Variants in EPB41L2 observed in about 807,000 individuals in gnomAD.
EPB41L2 encodes the protein band 4.1-like protein 2.
EPB41L2 carries 43 observed loss-of-function variants against 113.0 expected under a neutral mutation model. The observed-to-expected ratio is 0.38, with a 90% confidence interval of 0.30 to 0.49. EPB41L2 has a LOEUF of 0.49. EPB41L2 is among the 20% of genes least tolerant of loss of function. EPB41L2 has a pLI of 0.95. For synonymous variants in EPB41L2, 442 were observed against 436.7 expected (o/e 1.01, Z -0.15); for missense variants, 1,147 against 1,223.4 (o/e 0.94, Z 0.93).
chr6:130,996,333 G>C (rs540755737), intron 1 of EPB41L2, among the ~76,000 whole-genome samples: 1 of 152,322 alleles, frequency 6.6e-6, no homozygotes. Flanking sequence ...CTCTGCCCCA[G>C]ATGACAGGAG....
chr6:130,931,435 CAG>C (rs1562517166), intron 3 of EPB41L2, among the ~76,000 whole-genome samples: 1 of 152,068 alleles, frequency 6.6e-6, no homozygotes, highest in Non-Finnish European at 1.5e-5. Flanking sequence ...AAACCTAAAA[CAG>C]ATGTGCTTTG....
intron 1 of EPB41L2, among the ~76,000 whole-genome samples, chr6:131,051,567 G>C (rs776572129): frequency 6.6e-6 from 1 of 151,880 alleles, no homozygotes; most frequent in Non-Finnish European, 1.5e-5. Context: ...CAAAGTAACT[G>C]ACTTAGCAGA....
chr6:130,938,772 T>C (rs1004535091), intron 3 of EPB41L2, among the ~76,000 whole-genome samples: 2 of 152,266 alleles, frequency 1.3e-5, no homozygotes, highest in Non-Finnish European at 1.5e-5. Flanking sequence ...GGTATCTTCT[T>C]TTAAAATACA....
chr6:131,052,077 C>T (rs547334069), intron 1 of EPB41L2, among the ~76,000 whole-genome samples: 2 of 151,962 alleles, frequency 1.3e-5, no homozygotes, highest in Non-Finnish European at 1.5e-5. Flanking sequence ...GCTGGGACTA[C>T]AGGCGCCCAC....
intron 8 of EPB41L2, among the ~76,000 whole-genome samples, chr6:130,899,216 GA>G (rs11392700): frequency 1.0e-4 from 15 of 145,804 alleles, no homozygotes; most frequent in African/African-American, 2.0e-4. Flanking sequence ...GATAAGCGGT[GA>G]AAAAAAAAAG....
intron 7 of EPB41L2, 61 bp downstream of exon 7, chr6:130,900,901 C>T: frequency 6.4e-7 from 1 of 1,561,910 alleles, no homozygotes; most frequent in Non-Finnish European, 8.8e-7. Flanking sequence ...CTAGTAAGTG[C>T]TACAAGAGAA....
chr6:130,941,590 T>C (rs1300806549), intron 3 of EPB41L2, among the ~76,000 whole-genome samples: 1 of 152,226 alleles, frequency 6.6e-6, no homozygotes, highest in Non-Finnish European at 1.5e-5. Context: ...AAGAATAGCT[T>C]ATCAGAGCAG....
intron 14 of EPB41L2, among the ~76,000 whole-genome samples, chr6:130,876,472 C>G (rs919190110): frequency 2.0e-5 from 3 of 152,286 alleles, no homozygotes; most frequent in Admixed American, 1.3e-4. Context: ...TTTGACTTTT[C>G]AAGTGCTTCT....
intron 1 of EPB41L2, among the ~76,000 whole-genome samples, chr6:130,972,628 C>A (rs541468395): frequency 6.6e-6 from 1 of 151,800 alleles, no homozygotes; most frequent in East Asian, 1.9e-4. Flanking sequence ...TGCATTTCTA[C>A]AGCTTTACCC....
rs574564951 is a variant in EPB41L2, at chr6:131,050,729, C to T, written c.-15+12426G>A. 3.1e-4 allele frequency among the ~76,000 whole-genome samples: 47 copies of T among 152,318 alleles called. 1 individual carries two copies. The highest frequency in any genetic ancestry group is 2.7e-3 in the Admixed American group (42 of 15,300). ...AGAACCTGCATATGTTCAAAACTTA[C>T]TCTAATCCCCAAATCATATTCAAAC... On this transcript the variant is annotated intron_variant, in intron 1 of 19. Transcript: ENST00000337057.
At chr6:131,045,568 G>T (rs1795291084) in intron 1 of EPB41L2, among the ~76,000 whole-genome samples, 1 of 152,096 alleles carries the variant, frequency 6.6e-6, no homozygotes, top group African/African-American at 2.4e-5. Context: ...CAGAGGAAAA[G>T]AAGTCTGCAA....
intron 19 of EPB41L2, among the ~76,000 whole-genome samples, chr6:130,843,403 T>C (rs1219819692): frequency 1.3e-5 from 2 of 152,242 alleles, no homozygotes; most frequent in African/African-American, 2.4e-5. Flanking sequence ...ATGTAAAAGC[T>C]GTAAAAGTTT....
chr6:131,026,577 G>A (rs983950158), intron 1 of EPB41L2, among the ~76,000 whole-genome samples: 1 of 152,192 alleles, frequency 6.6e-6, no homozygotes, highest in Non-Finnish European at 1.5e-5. Flanking sequence ...GGGCTAAAGA[G>A]AACTGAACAA....
At chr6:130,856,959 G>A (rs928592) in intron 19 of EPB41L2, among the ~76,000 whole-genome samples, 43,855 of 151,742 alleles carry the variant, frequency 0.29, 6,484 homozygotes, top group South Asian at 0.32. Flanking sequence ...TCTTTTGCCT[G>A]TTACTAATAC....
intron 14 of EPB41L2, chr6:130,876,604 A>C: frequency 1.0e-6 from 1 of 954,480 alleles, no homozygotes; most frequent in Non-Finnish European, 1.4e-6. Context: ...AAGAAATCTT[A>C]TGGCTGTGGA....
At chr6:130,915,044 C>G (rs1485809196) in intron 4 of EPB41L2, among the ~76,000 whole-genome samples, 1 of 152,198 alleles carries the variant, frequency 6.6e-6, no homozygotes, top group East Asian at 1.9e-4. Flanking sequence ...TGGCTCACGC[C>G]TGTAATCCCA....
intron 1 of EPB41L2, among the ~76,000 whole-genome samples, chr6:130,983,186 C>T (rs192265638): frequency 5.9e-5 from 9 of 152,294 alleles, no homozygotes; most frequent in African/African-American, 1.9e-4. Flanking sequence ...AACCAGGAAC[C>T]GCAAATGAAA....
intron 3 of EPB41L2, among the ~76,000 whole-genome samples, chr6:130,953,872 C>T (rs1488059524): frequency 6.6e-6 from 1 of 151,974 alleles, no homozygotes; most frequent in African/African-American, 2.4e-5. Flanking sequence ...CCTCACCAGA[C>T]ACCAAATTTT....
At chr6:131,016,658 T>C (rs1405399974) in intron 1 of EPB41L2, among the ~76,000 whole-genome samples, 1 of 152,068 alleles carries the variant, frequency 6.6e-6, no homozygotes, top group Non-Finnish European at 1.5e-5. Context: ...GGATGATTCC[T>C]GTACATACTA....
Sources: allele counts gnomAD v4.1 joint callset (sites outside exome capture counted in the v4.1 genomes callset), GRCh38; gene constraint gnomAD v4.1.1; transcripts MANE v1.5; gene names NCBI Gene and HGNC (gene_info 2026-07-23, HGNC 2026-07-21).